MYL10: variants seen among roughly 807,000 people sequenced by gnomAD.
MYL10 encodes myosin light chain 10, also known as myosin regulatory light chain 10.
In MYL10, 18 loss-of-function variants were observed where a neutral mutation model predicts 21.9. The observed-to-expected ratio is 0.82, with a 90% CI of 0.57 to 1.22. The LOEUF (loss-of-function observed/expected upper bound fraction) is 1.22, where lower values mean the gene tolerates loss of function less well. MYL10 is among the 50% of genes most tolerant of loss of function. MYL10 has a pLI of 0.00. For synonymous variants in MYL10, 88 were observed against 82.8 expected, an observed-to-expected ratio of 1.06 and a Z score of -0.34; for missense variants, 225 against 230.4, an observed-to-expected ratio of 0.98 and a Z score of 0.15.
At chr7:101,628,756 C>G (rs958083955) in intron 1 of MYL10, among the ~76,000 whole-genome samples, 1 of 152,210 alleles carries the variant, frequency 6.6e-6, no homozygotes, top group Non-Finnish European at 1.5e-5. Context: ...AGTGAGCCCA[C>G]GGGTCCCCAG....
intron 4 of MYL10, 52 bp from the exon 5 acceptor site, chr7:101,622,252 G>A: frequency 7.1e-7 from 1 of 1,401,208 alleles, no homozygotes; most frequent in Non-Finnish European, 9.9e-7. Flanking sequence ...TCAGAGCTTG[G>A]GCCTCGGAGG....
chr7:101,627,957 A>G (rs995683013), intron 1 of MYL10, among the ~76,000 whole-genome samples: 2 of 152,146 alleles, frequency 1.3e-5, no homozygotes, highest in African/African-American at 4.8e-5. Flanking sequence ...ACCCTCTAGG[A>G]GGCTCAGCCA....
rs921311644 is a variant in MYL10 at position 101,622,219 on chromosome 7, G to A, written c.350-19C>T. The A allele has an allele frequency of 1.3e-6, 2 of 1,592,542 alleles. No individual in the cohort carries two copies. Among genetic ancestry groups the A allele is most frequent in the Admixed American group, 1.7e-5 (1 of 59,516 alleles). On this transcript the variant is annotated intron_variant, in intron 4 of 7. Transcript: ENST00000223167. Reference sequence around the variant, plus strand: ...ATGCGGCCTGTGGGAGGTGAGAGGTGGGGGCAGGGAGGATAAGAGAGATCA... The same window carrying A: ...ATGCGGCCTGTGGGAGGTGAGAGGTAGGGGCAGGGAGGATAAGAGAGATCA...
chr7:101,627,044 C>A (rs1245884107), intron 1 of MYL10, among the ~76,000 whole-genome samples: 1 of 151,768 alleles, frequency 6.6e-6, no homozygotes, highest in Non-Finnish European at 1.5e-5. Flanking sequence ...GTAATCCCAG[C>A]ACTCTGGGAG....
At position 101,622,103 on chromosome 7, in the gene MYL10, C is replaced by T. The variant is rs1453021014; in HGVS notation, c.447G>A (p.Lys149=). The change falls in exon 5 of 8, where the codon AAG becomes AAA. Residue 149 remains lysine, a synonymous_variant. Transcript: ENST00000223167. Reference sequence around the variant, plus strand: ...TCCAGGAGCCTGGCTCACCCTTCAGCTTCTCCCCAAACATGGTCAGGAACA... The same window carrying T: ...TCCAGGAGCCTGGCTCACCCTTCAGTTTCTCCCCAAACATGGTCAGGAACA... ...FTVFLTMFGE[K]LKGTDPEETI... is the part of the protein sequence containing the mutation. 2 of 1,613,618 alleles carry T rather than the reference C, an allele frequency of 1.2e-6. No homozygotes were observed. The highest frequency in any genetic ancestry group is 1.7e-6 in the Non-Finnish European group (2 of 1,179,614).
chr7:101,626,788 G>A (rs1562827383), intron 1 of MYL10, among the ~76,000 whole-genome samples: 2 of 152,166 alleles, frequency 1.3e-5, no homozygotes, highest in Admixed American at 1.3e-4. Context: ...TCCCCACAAA[G>A]TCCAGGAAAG....
chr7:101,623,440 G>A (rs888151144), intron 3 of MYL10, among the ~76,000 whole-genome samples: 16 of 152,194 alleles, frequency 1.1e-4, no homozygotes, highest in Non-Finnish European at 4.4e-5. Context: ...CATGCCTGCA[G>A]TCCCAGCAAT....
intron 1 of MYL10, among the ~76,000 whole-genome samples, chr7:101,627,086 G>C (rs147864854): frequency 0.025 from 3,796 of 151,160 alleles, 89 homozygotes; most frequent in Non-Finnish European, 0.036. Flanking sequence ...GAGGTCAGGA[G>C]TTCGAGACCA....
At chr7:101,621,919 G>A (rs574041768) in intron 5 of MYL10, among the ~76,000 whole-genome samples, 177 bp downstream of exon 5, 127 of 152,294 alleles carry the variant, frequency 8.3e-4, no homozygotes, top group Admixed American at 4.1e-3. Flanking sequence ...CCCAGTCTGC[G>A]GTGAAGAGAG....
intron 6 of MYL10, among the ~76,000 whole-genome samples, chr7:101,614,259 A>G (rs62466277): frequency 0.11 from 17,465 of 152,174 alleles, 1,263 homozygotes; most frequent in Middle Eastern, 0.18. Flanking sequence ...CAAAGATGGG[A>G]TCAGACGGCT....
chr7:101,617,667 C>T (rs1224050553), intron 5 of MYL10, among the ~76,000 whole-genome samples: 1 of 152,098 alleles, frequency 6.6e-6, no homozygotes, highest in South Asian at 2.1e-4. Flanking sequence ...TCTGTTCCTC[C>T]TGCATCAGAC....
chr7:101,621,963 A>C lies in MYL10; in HGVS notation c.454+133T>G, dbSNP rs932612940. ...AGGCAGGGCCCCTGAAGGTGCGTGC[A>C]CCTGGGGGCTGGTGTCTGGGGCCAC... On this transcript the variant is annotated intron_variant, in intron 5 of 7. Transcript: ENST00000223167. The C allele has an allele frequency of 1.2e-5, 8 of 650,540 alleles. No homozygotes were observed. The Admixed American group carries it at 2.0e-4, about 16-fold the overall frequency. 40.3% of individuals were successfully genotyped at this position (650,540 alleles called of 1,614,324 possible).
rs370385477 is a variant in MYL10 at position 101,613,618 on chromosome 7, C to T, written c.582+44G>A. 3.1e-6 allele frequency: 5 copies of T among 1,613,512 alleles called. No homozygotes were observed. The African/African-American group carries it at 5.3e-5, about 17-fold the overall frequency. The stretch of plus-strand genomic sequence containing the variant: ...CAGCCTGCACCAGGCCAAGTGGGGG[C>T]CAGAGCAGAGAATCCGCCGTGACCC... On this transcript the variant is annotated intron_variant, in intron 7 of 7. Transcript: ENST00000223167.
At chr7:101,619,402 T>A (rs1457151157) in intron 5 of MYL10, among the ~76,000 whole-genome samples, 1 of 152,164 alleles carries the variant, frequency 6.6e-6, no homozygotes, top group Non-Finnish European at 1.5e-5. Flanking sequence ...CAGCCCTGGG[T>A]TTCCTCATCT....
intron 3 of MYL10, 148 bp downstream of exon 3, chr7:101,623,772 A>G (rs1366740450): frequency 1.7e-5 from 3 of 178,322 alleles, no homozygotes; most frequent in Non-Finnish European, 3.5e-5. Context: ...TCACGTCTGT[A>G]ATCCCAGCAC....
chr7:101,623,119 G>C (rs372759944), intron 3 of MYL10, 47 bp from the exon 4 acceptor site: 1 of 1,566,558 alleles, frequency 6.4e-7, no homozygotes, highest in Non-Finnish European at 8.7e-7. Flanking sequence ...TTCCAAGCCC[G>C]GCCACCTCCC....
At position 101,618,938 on chromosome 7, in the gene MYL10, C is replaced by T. The variant is rs547804158; in HGVS notation, c.455-2640G>A. ...AGGTTTGGGGCCCACTGTGAGCTGA[C>T]AGAGTCCCCTCCCCTTCCCCTGAGC... On this transcript the variant is annotated intron_variant, in intron 5 of 7. Coordinates refer to ENST00000223167, the MANE Select transcript of MYL10 (RefSeq NM_138403.5). 7.2e-5 allele frequency among the ~76,000 whole-genome samples: 11 copies of T among 152,328 alleles called. No homozygotes were observed. The South Asian group carries it at 2.3e-3, about 32-fold the overall frequency.
intron 4 of MYL10, 150 bp downstream of exon 4, chr7:101,622,847 C>T (rs34594091): frequency 0.04 from 26,039 of 654,962 alleles, 762 homozygotes; most frequent in Non-Finnish European, 0.048. Context: ...AAGGTCCCCC[C>T]CTGACTTTCC....
At chr7:101,622,027 C>G in intron 5 of MYL10, 69 bp downstream of exon 5, 3 of 1,257,128 alleles carry the variant, frequency 2.4e-6, no homozygotes, top group Non-Finnish European at 3.5e-6. Flanking sequence ...GTGTCAGGCC[C>G]CTGCCTTCCT....
Sources: allele counts gnomAD v4.1 joint callset (sites outside exome capture counted in the v4.1 genomes callset), GRCh38; gene constraint gnomAD v4.1.1; transcripts MANE v1.5; gene names NCBI Gene and HGNC (gene_info 2026-07-23, HGNC 2026-07-21).